The following CTNNA2 variants were observed in gnomAD, a reference collection of about 807,000 sequenced individuals.
CTNNA2 encodes the protein catenin alpha-2.
In CTNNA2, 42 loss-of-function variants were observed where a neutral mutation model predicts 101.0. That is an observed-to-expected ratio of 0.42 (90% CI 0.32 to 0.54). The LOEUF is 0.54. Ranked by LOEUF, CTNNA2 falls within the 20% of genes least tolerant of loss-of-function variation. CTNNA2 has a pLI of 0.14. For synonymous variants in CTNNA2, 450 were observed against 456.4 expected (o/e 0.99, Z 0.18); for missense variants, 871 against 1,223.1 (o/e 0.71, Z 4.29).
intron 2 of CTNNA2, among the ~76,000 whole-genome samples, chr2:79,203,078 C>T (rs78153487): frequency 0.017 from 2,577 of 152,224 alleles, 97 homozygotes; most frequent in East Asian, 0.1. Context: ...TCTCGCCTTC[C>T]CTGCCACCTC....
At chr2:79,880,514 C>T (rs1479527008) in intron 6 of CTNNA2, among the ~76,000 whole-genome samples, 1 of 151,914 alleles carries the variant, frequency 6.6e-6, no homozygotes, top group Non-Finnish European at 1.5e-5. Context: ...TGGTCTATTC[C>T]ATAACTTTAC....
intron 1 of CTNNA2, among the ~76,000 whole-genome samples, chr2:79,599,701 C>G (rs1287884921): frequency 6.6e-6 from 1 of 152,118 alleles, no homozygotes; most frequent in African/African-American, 2.4e-5. Context: ...TCTTAGGACA[C>G]AAAAACTCAG....
At chr2:80,089,458 C>T (rs919573720) in intron 7 of CTNNA2, among the ~76,000 whole-genome samples, 7 of 151,882 alleles carry the variant, frequency 4.6e-5, no homozygotes, top group Non-Finnish European at 1.0e-4. Context: ...TTTGGGGGTT[C>T]TCTGGCCTGT....
chr2:79,550,959 A>G (rs1410874093), intron 1 of CTNNA2, among the ~76,000 whole-genome samples: 2 of 152,218 alleles, frequency 1.3e-5, no homozygotes, highest in Non-Finnish European at 2.9e-5. Context: ...GAGTGGAGGA[A>G]TAGAGGAATA....
rs78077683 is a variant in CTNNA2 at position 79,250,718 on chromosome 2, C to T, written c.-406+52642C>T. On this transcript the variant is annotated intron_variant, in intron 2 of 21. Coordinates refer to the CTNNA2 transcript ENST00000466387. Reference sequence around the variant, plus strand: ...TTGGCACTCTTTAGACAATATTCAGCTCACAGCCATATTTTATTTGGTATG... The same window carrying T: ...TTGGCACTCTTTAGACAATATTCAGTTCACAGCCATATTTTATTTGGTATG... 5.9e-3 allele frequency among the ~76,000 whole-genome samples: 899 copies of T among 152,316 alleles called. 7 individuals carry two copies. Among genetic ancestry groups the T allele is most frequent in the African/African-American group, 0.021 (863 of 41,576 alleles).
rs139978486 is a variant in CTNNA2 at position 80,641,193 on chromosome 2, C to A, written c.2575-6392C>A. On this transcript the variant is annotated intron_variant, in intron 18 of 18. Coordinates refer to ENST00000402739, the MANE Select transcript of CTNNA2 (RefSeq NM_001282597.3). ...CCATTTGAAGTAATCAAAGTAAACA[C>A]CTCAGTTCTTTTATTTCAAAATCAC... is the stretch of plus-strand genomic sequence containing the variant. Among the ~76,000 whole-genome samples, 689 of 152,226 alleles carry A rather than the reference C, an allele frequency of 4.5e-3. 2 individuals are homozygous for A. Among genetic ancestry groups the A allele is most frequent in the Admixed American group, 8.2e-3 (126 of 15,300 alleles).
At chr2:79,798,590 T>C (rs1573996098) in intron 3 of CTNNA2, among the ~76,000 whole-genome samples, 1 of 132,204 alleles carries the variant, frequency 7.6e-6, no homozygotes, top group South Asian at 2.4e-4. Flanking sequence ...TTTACAAAAA[T>C]ACTCATTCTT....
At chr2:80,135,484 G>A (rs1470819210) in intron 7 of CTNNA2, among the ~76,000 whole-genome samples, 2 of 152,168 alleles carry the variant, frequency 1.3e-5, no homozygotes, top group African/African-American at 4.8e-5. Flanking sequence ...GTCTGTAGAG[G>A]AATCCTGCCT....
At chr2:80,586,555 A>G (rs1410734696) in intron 14 of CTNNA2, 5 of 152,182 alleles carry the variant, frequency 3.3e-5, no homozygotes, top group Non-Finnish European at 1.5e-5. Context: ...GTTAAGGAAA[A>G]AAGTGCATAT....
At chr2:79,296,115 G>A (rs1299037156) in intron 2 of CTNNA2, among the ~76,000 whole-genome samples, 5 of 152,058 alleles carry the variant, frequency 3.3e-5, no homozygotes, top group Non-Finnish European at 7.4e-5. Context: ...TTGGAGAGGT[G>A]AGGAAGAAGG....
intron 7 of CTNNA2, among the ~76,000 whole-genome samples, chr2:80,317,032 G>A (rs1678196872): frequency 6.6e-6 from 1 of 152,070 alleles, no homozygotes; most frequent in African/African-American, 2.4e-5. Context: ...TGATGAGCAA[G>A]GGGAAGCCAT....
At chr2:79,938,690 T>C (rs1687949281) in intron 7 of CTNNA2, among the ~76,000 whole-genome samples, 1 of 152,248 alleles carries the variant, frequency 6.6e-6, no homozygotes, top group South Asian at 2.1e-4. Context: ...GAGATAGCCA[T>C]GGCTTTAAAT....
At chr2:79,757,745 A>G (rs1244089483) in intron 3 of CTNNA2, among the ~76,000 whole-genome samples, 1 of 152,108 alleles carries the variant, frequency 6.6e-6, no homozygotes, top group Non-Finnish European at 1.5e-5. Flanking sequence ...TCAAATTCCA[A>G]CTGTAGTTTT....
intron 7 of CTNNA2, among the ~76,000 whole-genome samples, chr2:80,055,693 G>A (rs1697173095): frequency 6.6e-6 from 1 of 152,108 alleles, no homozygotes; most frequent in Non-Finnish European, 1.5e-5. Context: ...ACACTCTCCA[G>A]TTTGCCAGTC....
chr2:79,614,615 A>C (rs1008595924), intron 1 of CTNNA2, among the ~76,000 whole-genome samples: 4 of 152,174 alleles, frequency 2.6e-5, no homozygotes, highest in Non-Finnish European at 5.9e-5. Flanking sequence ...CAGTGTCAAA[A>C]TGTCACATGA....
At chr2:80,574,922 A>G (rs1415642749) in intron 13 of CTNNA2, among the ~76,000 whole-genome samples, 2 of 152,182 alleles carry the variant, frequency 1.3e-5, no homozygotes, top group African/African-American at 4.8e-5. Flanking sequence ...CCTAGAAAAT[A>G]TATATTGTAG....
chr2:79,796,599 C>T (rs1360795662), intron 3 of CTNNA2, among the ~76,000 whole-genome samples: 2 of 152,122 alleles, frequency 1.3e-5, no homozygotes, highest in South Asian at 2.1e-4. Context: ...CAGCATCCAA[C>T]GGGCTCATCT....
intron 7 of CTNNA2, among the ~76,000 whole-genome samples, chr2:80,190,012 G>GA (rs61262150): frequency 0.23 from 35,208 of 150,696 alleles, 6,458 homozygotes; most frequent in African/African-American, 0.51. Context: ...GGAAATCCAT[G>GA]AAAAAAAAAT....
At chr2:79,849,288 AG>A (rs1328582965) in intron 3 of CTNNA2, among the ~76,000 whole-genome samples, 1 of 147,918 alleles carries the variant, frequency 6.8e-6, no homozygotes, top group Admixed American at 6.8e-5. Flanking sequence ...CTTGCATGAT[AG>A]GGTTTTTTTT....
Sources: gnomAD v4.1 joint callset for allele counts (sites outside exome capture counted in the v4.1 genomes callset) on GRCh38, gnomAD v4.1.1 for gene constraint, MANE v1.5 for transcripts, NCBI Gene and HGNC (gene_info 2026-07-23, HGNC 2026-07-21) for gene names.